The following CNTNAP2 variants were observed in gnomAD, a reference collection of about 807,000 sequenced individuals.
CNTNAP2 encodes contactin-associated protein-like 2.
A neutral mutation model predicts 155.2 loss-of-function variants in CNTNAP2; 98 were observed. That is an observed-to-expected ratio of 0.63 (90% CI 0.54 to 0.75). The LOEUF (loss-of-function observed/expected upper bound fraction) is 0.75. CNTNAP2 is among the 30% of genes least tolerant of loss of function. The probability of loss-of-function intolerance (pLI) is 0.00; values close to 1 mark genes in which losing one functional copy is unlikely to be tolerated. For missense variants in CNTNAP2, 1,727 were observed against 1,688.1 expected (o/e 1.02, Z -0.40); for synonymous variants, 651 against 631.2 (o/e 1.03, Z -0.47).
intron 13 of CNTNAP2, among the ~76,000 whole-genome samples, chr7:147,770,251 G>A (rs184414905): frequency 6.6e-6 from 1 of 152,272 alleles, no homozygotes. Flanking sequence ...ACAATCTATA[G>A]TCTACACTAC....
At chr7:147,073,406 C>A (rs1452035301) in intron 4 of CNTNAP2, among the ~76,000 whole-genome samples, 2 of 151,600 alleles carry the variant, frequency 1.3e-5, no homozygotes, top group Admixed American at 6.6e-5. Context: ...ATCCGAAGTG[C>A]CTTTACGGCA....
rs531615985 is a variant in CNTNAP2 at position 148,247,282 on chromosome 7, T to G, written c.3381+17503T>G. 4.6e-5 allele frequency among the ~76,000 whole-genome samples: 7 copies of G among 152,292 alleles called. No individual in the cohort carries two copies. In the East Asian group the frequency reaches 1.4e-3, roughly 29 times the overall value. ...TATTGTGTTTTTCTAATTATACATT[T>G]AAATATATTTATTATAGAAAGTACA... On this transcript the variant is annotated intron_variant, in intron 20 of 23. Transcript: ENST00000361727.
At chr7:147,101,736 A>AG (rs1340784466) in intron 4 of CNTNAP2, among the ~76,000 whole-genome samples, 2 of 152,060 alleles carry the variant, frequency 1.3e-5, no homozygotes, top group African/African-American at 4.8e-5. Flanking sequence ...GACTGTCCCC[A>AG]GCCAAACCCC....
chr7:147,361,624 TCTTATTGAGTAAGATAAACTTA>T (rs1275120293), intron 9 of CNTNAP2, among the ~76,000 whole-genome samples: 6 of 152,168 alleles, frequency 3.9e-5, no homozygotes, highest in East Asian at 1.9e-4. Context: ...AGTAAGATAG[TCTTATTGAGTAAGATAAACTTA>T]CTTATTGAGT....
At chr7:146,259,686 G>A (rs1584832589) in intron 1 of CNTNAP2, among the ~76,000 whole-genome samples, 2 of 152,160 alleles carry the variant, frequency 1.3e-5, no homozygotes, top group African/African-American at 4.8e-5. Flanking sequence ...GAGTCTGAAA[G>A]CATTCAGTCA....
chr7:146,749,703 AAAATT>A (rs1169285656), intron 1 of CNTNAP2, among the ~76,000 whole-genome samples: 2 of 152,242 alleles, frequency 1.3e-5, no homozygotes, highest in Admixed American at 6.5e-5. Context: ...ATGTGAATGA[AAAATT>A]AAAAAGAAAT....
intron 10 of CNTNAP2, among the ~76,000 whole-genome samples, chr7:147,447,552 G>C (rs897979137): frequency 6.6e-6 from 1 of 152,048 alleles, no homozygotes; most frequent in Non-Finnish European, 1.5e-5. Context: ...AAGTAGCTAG[G>C]ACTACAGGCG....
chr7:147,583,979 A>G (rs1800568633), intron 12 of CNTNAP2, among the ~76,000 whole-genome samples: 1 of 152,132 alleles, frequency 6.6e-6, no homozygotes, highest in African/African-American at 2.4e-5. Flanking sequence ...CTTAGAGGAA[A>G]GTTCTGGAGA....
At chr7:146,937,264 G>T (rs918151264) in intron 3 of CNTNAP2, among the ~76,000 whole-genome samples, 1 of 151,212 alleles carries the variant, frequency 6.6e-6, no homozygotes, top group Non-Finnish European at 1.5e-5. Flanking sequence ...GGTGGCACGC[G>T]CCTGTAGTCC....
At chr7:147,112,533 A>G (rs1195361415) in intron 5 of CNTNAP2, among the ~76,000 whole-genome samples, 2 of 152,172 alleles carry the variant, frequency 1.3e-5, no homozygotes, top group African/African-American at 4.8e-5. Context: ...TACTATTTTG[A>G]GGTATGTTCC....
intron 20 of CNTNAP2, among the ~76,000 whole-genome samples, chr7:148,239,845 G>C (rs1046382352): frequency 1.4e-4 from 21 of 152,282 alleles, no homozygotes; most frequent in African/African-American, 5.1e-4. Context: ...GTGTGGTGAA[G>C]ATCCTGCTGA....
intron 11 of CNTNAP2, among the ~76,000 whole-genome samples, chr7:147,561,895 G>T (rs2116788707): frequency 6.6e-6 from 1 of 152,264 alleles, no homozygotes; most frequent in South Asian, 2.1e-4. Flanking sequence ...TTTAAGGATT[G>T]ATTATTTTAG....
intron 8 of CNTNAP2, among the ~76,000 whole-genome samples, chr7:147,172,410 T>G (rs1802247994): frequency 1.3e-5 from 2 of 152,204 alleles, no homozygotes; most frequent in African/African-American, 4.8e-5. Flanking sequence ...CATTCTCTTT[T>G]CATTTCAAAT....
chr7:146,598,705 C>T (rs983282483), intron 1 of CNTNAP2, among the ~76,000 whole-genome samples: 6 of 152,020 alleles, frequency 3.9e-5, no homozygotes, highest in Admixed American at 1.3e-4. Flanking sequence ...AAAATTAGAG[C>T]GCCTCAGATT....
intron 3 of CNTNAP2, among the ~76,000 whole-genome samples, chr7:146,944,982 T>C (rs2129226477): frequency 6.6e-6 from 1 of 151,674 alleles, no homozygotes; most frequent in South Asian, 2.1e-4. Context: ...TGTTCTGTCT[T>C]TTCTGTTGGC....
chr7:147,673,265 A>G (rs920533029), intron 13 of CNTNAP2: 1 of 152,186 alleles, frequency 6.6e-6, no homozygotes, highest in African/African-American at 2.4e-5. Flanking sequence ...GTCTGGAAGG[A>G]AAAAACGAAG....
rs866992048 is a variant in CNTNAP2 at position 148,383,855 on chromosome 7, A to G, written c.3682A>G (p.Thr1228Ala). 2 of 1,613,916 alleles carry G rather than the reference A, an allele frequency of 1.2e-6. No homozygotes were observed. The highest frequency in any genetic ancestry group is 1.7e-6 in the Non-Finnish European group (2 of 1,180,000). ...GACCCTCTCCCCCATGTCGTCCGCC[A>G]CCGACCCCTGGCACCTGGATCACCT... Reference protein sequence around the residue: ...PLTLSPMSSATDPWHLDHLDS... With the variant: ...PLTLSPMSSAADPWHLDHLDS... The change falls in exon 22 of 24, where the codon ACC becomes GCC. Residue 1228 changes from threonine to alanine, a missense_variant. By Grantham distance (58) the Thr-to-Ala change is moderately conservative (BLOSUM62 0). Coordinates refer to ENST00000361727, the MANE Select transcript of CNTNAP2 (RefSeq NM_014141.6).
At chr7:147,842,236 C>A (rs1183711525) in intron 13 of CNTNAP2, among the ~76,000 whole-genome samples, 3 of 152,210 alleles carry the variant, frequency 2.0e-5, no homozygotes, top group African/African-American at 7.2e-5. Flanking sequence ...TAAGTAACAA[C>A]TGTGTGATCA....
intron 3 of CNTNAP2, among the ~76,000 whole-genome samples, chr7:146,887,909 T>C (rs1007123637): frequency 1.3e-5 from 2 of 152,150 alleles, no homozygotes; most frequent in African/African-American, 4.8e-5. Flanking sequence ...TATGTTAGGG[T>C]GTCCACTTTT....
Sources: gnomAD v4.1 joint callset for allele counts (sites outside exome capture counted in the v4.1 genomes callset) on GRCh38, gnomAD v4.1.1 for gene constraint, MANE v1.5 for transcripts, NCBI Gene and HGNC (gene_info 2026-07-23, HGNC 2026-07-21) for gene names.